NEK10: variants seen among roughly 807,000 people sequenced by gnomAD.
NEK10 encodes serine/threonine-protein kinase Nek10.
Under a neutral mutation model 159.8 loss-of-function variants are expected in NEK10, and 122 were observed. That is an observed-to-expected ratio of 0.76 (90% CI 0.66 to 0.89). The LOEUF is 0.89. NEK10 is among the 40% of genes least tolerant of loss of function. The pLI is 0.00. For missense variants in NEK10, 1,342 were observed against 1,323.1 expected (o/e 1.01, Z -0.22); for synonymous variants, 466 against 457.1 (o/e 1.02, Z -0.25).
At chr3:27,228,617 T>C (rs376312298) in intron 23 of NEK10, among the ~76,000 whole-genome samples, 11 of 152,114 alleles carry the variant, frequency 7.2e-5, no homozygotes, top group African/African-American at 2.2e-4. Flanking sequence ...GCAGGTTGTT[T>C]CAGATGAGAA....
At position 27,116,084 on chromosome 3, in the gene NEK10, T is replaced by C; in HGVS notation, c.3234A>G (p.Glu1078=). The C allele has an allele frequency of 1.2e-6, 2 of 1,613,644 alleles. No individual in the cohort carries two copies. Among genetic ancestry groups the C allele is most frequent in the Admixed American group, 1.7e-5 (1 of 59,984 alleles). ...SIELEEGITY[E]QMQTVIEEVL... The stretch of plus-strand genomic sequence containing the variant: ...ACTGCAAAAACCTCACCTGCATCTG[T>C]TCATATGTTATTCCTTCCTCCAATT... Residue 1078 remains glutamate, a synonymous_variant, in exon 34 of 36, where the codon GAA becomes GAG. Transcript: ENST00000691995.
intron 30 of NEK10, among the ~76,000 whole-genome samples, chr3:27,158,642 G>C (rs753410391): frequency 3.3e-5 from 5 of 152,124 alleles, no homozygotes; most frequent in Admixed American, 2.0e-4. Context: ...CCCATACATC[G>C]GTTCAGCGCC....
At chr3:27,284,144 G>A (rs1310021293) in intron 22 of NEK10, among the ~76,000 whole-genome samples, 6 of 152,166 alleles carry the variant, frequency 3.9e-5, no homozygotes, top group Non-Finnish European at 8.8e-5. Flanking sequence ...CCAGCACTTT[G>A]GGAGGACGAG....
In NEK10 at chr3:27,203,864, A is replaced by G. The variant is rs138444118; in HGVS notation, c.2091-1307T>C. On this transcript the variant is annotated intron_variant, in intron 23 of 35. Transcript: ENST00000691995. Reference sequence around the variant, plus strand: ...GTATGATTTCTAGGTCTATCAGTTAAGCATTTTCATATTTAGTGTTTTTCA... The same window carrying G: ...GTATGATTTCTAGGTCTATCAGTTAGGCATTTTCATATTTAGTGTTTTTCA... Among the ~76,000 whole-genome samples, 1,110 of 152,318 alleles carry G rather than the reference A, an allele frequency of 7.3e-3. 13 individuals are homozygous for G. The highest frequency in any genetic ancestry group is 0.024 in the African/African-American group (1,009 of 41,564).
At chr3:27,364,196 T>C (rs908420127) in intron 1 of NEK10, among the ~76,000 whole-genome samples, 3 of 151,948 alleles carry the variant, frequency 2.0e-5, no homozygotes, top group Non-Finnish European at 4.4e-5. Flanking sequence ...TTTTTTGAGA[T>C]GGAGTTTTGC....
chr3:27,191,473 G>T (rs1429841092), intron 26 of NEK10, among the ~76,000 whole-genome samples: 1 of 152,222 alleles, frequency 6.6e-6, no homozygotes, highest in East Asian at 1.9e-4. Flanking sequence ...GATATTTGTA[G>T]CTTTGGCATC....
In NEK10 at chr3:27,342,061, G is replaced by C. The variant is rs1471396853; in HGVS notation, c.362+2211C>G. ...TATTGTGTAATTGTCTTGCTGATCT[G>C]AGTAGAATTTGAGTCCCCAGGGAGA... is the stretch of plus-strand genomic sequence containing the variant. On this transcript the variant is annotated intron_variant, in intron 5 of 35. Transcript: ENST00000691995. 3.3e-5 allele frequency among the ~76,000 whole-genome samples: 5 copies of C among 151,584 alleles called. No individual in the cohort carries two copies. In the South Asian group the frequency reaches 1.0e-3, roughly 31 times the overall value.
chr3:27,230,825 T>C (rs1953171092), intron 23 of NEK10, among the ~76,000 whole-genome samples: 1 of 151,988 alleles, frequency 6.6e-6, no homozygotes, highest in Admixed American at 6.6e-5. Context: ...GACATTACAA[T>C]CCTAAATACA....
At chr3:27,312,691 TATA>T (rs750100960) in intron 7 of NEK10, among the ~76,000 whole-genome samples, 7 of 152,200 alleles carry the variant, frequency 4.6e-5, no homozygotes, top group Non-Finnish European at 8.8e-5. Context: ...GGATAATGAT[TATA>T]ATAAGAAACA....
chr3:27,368,114 G>A (rs1345092394), intron 1 of NEK10, among the ~76,000 whole-genome samples: 1 of 152,004 alleles, frequency 6.6e-6, no homozygotes, highest in African/African-American at 2.4e-5. Context: ...CCAACATGGT[G>A]AAACCCCTTC....
At chr3:27,282,022 G>A (rs978872683) in intron 22 of NEK10, among the ~76,000 whole-genome samples, 2 of 152,116 alleles carry the variant, frequency 1.3e-5, no homozygotes, top group Non-Finnish European at 2.9e-5. Flanking sequence ...TATGAGAAAG[G>A]ATAGGTAATC....
intron 22 of NEK10, among the ~76,000 whole-genome samples, chr3:27,279,931 A>T (rs927951193): frequency 5.3e-5 from 8 of 152,096 alleles, no homozygotes; most frequent in Non-Finnish European, 8.8e-5. Flanking sequence ...GCACTTTGGG[A>T]GGCCGAGGCG....
chr3:27,290,291 A>T (rs2149486678), intron 19 of NEK10, among the ~76,000 whole-genome samples: 1 of 152,366 alleles, frequency 6.6e-6, no homozygotes, highest in South Asian at 2.1e-4. Context: ...CTATGTATGT[A>T]ACTAAGTAAC....
intron 30 of NEK10, among the ~76,000 whole-genome samples, chr3:27,154,909 A>C (rs1166885236): frequency 6.6e-6 from 1 of 152,184 alleles, no homozygotes; most frequent in Non-Finnish European, 1.5e-5. Context: ...GCCCACTCTC[A>C]CCACTACTCT....
At chr3:27,118,980 C>T (rs1159187282) in intron 33 of NEK10, among the ~76,000 whole-genome samples, 1 of 152,192 alleles carries the variant, frequency 6.6e-6, no homozygotes, top group Non-Finnish European at 1.5e-5. Context: ...CTTCTATCCA[C>T]TCCTCCAAGT....
Position 27,111,206 on chromosome 3 carries a change from A to G in NEK10, c.*66T>C, listed in dbSNP as rs2125390995. On this transcript the variant is annotated 3_prime_UTR_variant, in exon 36 of 36. Transcript: ENST00000691995. ...GCACCCAATCCTTGGGCATCTTGCA[A>G]TAGCGGCTGAAGTCCAGAACTTGAA... 2 of 1,468,524 alleles carry G rather than the reference A, an allele frequency of 1.4e-6. No homozygotes were observed. Among genetic ancestry groups the G allele is most frequent in the South Asian group, 1.2e-5 (1 of 86,018 alleles). 91.0% of individuals were successfully genotyped at this position (1,468,524 alleles called of 1,614,324 possible).
At chr3:27,263,766 G>A (rs944030209) in intron 22 of NEK10, among the ~76,000 whole-genome samples, 4 of 152,188 alleles carry the variant, frequency 2.6e-5, no homozygotes, top group Admixed American at 6.5e-5. Context: ...TACACTTCCC[G>A]GGTGAGGCAA....
rs550200562 is a variant in NEK10 at position 27,111,136 on chromosome 3, C to G, written c.*136G>C. The G allele has an allele frequency of 4.3e-6, 3 of 700,812 alleles. No individual in the cohort carries two copies. In the East Asian group the frequency reaches 8.6e-5, roughly 20 times the overall value. 43.4% of individuals were successfully genotyped at this position (700,812 alleles called of 1,614,324 possible). On this transcript the variant is annotated 3_prime_UTR_variant, in exon 36 of 36. Transcript: ENST00000691995. ...CAGCACAGGACCCCCAGAAAGAAGT[C>G]CTGCAGGCCCCATGGCATCTTGGTC...
In NEK10 at chr3:27,278,745, AG is replaced by A. The variant is rs1339211136; in HGVS notation, c.2014+5856del. 6.1e-6 allele frequency: 6 copies of A among 984,940 alleles called. No individual in the cohort carries two copies. The African/African-American group carries it at 7.0e-5, about 11-fold the overall frequency. The allele number at this position is 984,940 out of a possible 1,614,324, so 61.0% of individuals were successfully genotyped here. A position where few individuals can be genotyped will look rare whatever the true frequency, so the allele number is the denominator to read the frequency against. ...GACATGGAAGGTTTACATTAAAATA[AG>A]GGTTTTTGAAAAGGTCAAGAAATCT... On this transcript the variant is annotated intron_variant, in intron 22 of 35. Transcript: ENST00000691995.
Sources: gnomAD v4.1 joint callset for allele counts (sites outside exome capture counted in the v4.1 genomes callset) on GRCh38, gnomAD v4.1.1 for gene constraint, MANE v1.5 for transcripts, NCBI Gene and HGNC (gene_info 2026-07-23, HGNC 2026-07-21) for gene names.